ARNT2: variants seen among roughly 807,000 people sequenced by gnomAD.
ARNT2 encodes the protein aryl hydrocarbon receptor nuclear translocator 2.
In ARNT2, 36 loss-of-function variants were observed where a neutral mutation model predicts 91.7. The observed-to-expected ratio is 0.39, with a 90% CI of 0.30 to 0.52. ARNT2 has a LOEUF of 0.52. Ranked by LOEUF, ARNT2 falls within the 20% of genes least tolerant of loss-of-function variation. The pLI is 0.72. For missense variants in ARNT2, 775 were observed against 939.3 expected (o/e 0.83, Z 2.29); for synonymous variants, 365 against 347.1 (o/e 1.05, Z -0.57).
At chr15:80,539,654 A>G (rs1003729037) in intron 8 of ARNT2, among the ~76,000 whole-genome samples, 20 of 152,146 alleles carry the variant, frequency 1.3e-4, no homozygotes, top group African/African-American at 4.1e-4. Flanking sequence ...CAGAATTAAC[A>G]TTGTTGGAGA....
intron 1 of ARNT2, chr15:80,441,273 A>G (rs1339581811): frequency 3.0e-6 from 3 of 985,120 alleles, no homozygotes; most frequent in Non-Finnish European, 2.4e-6. Flanking sequence ...ATGCAGCTAC[A>G]TTTCCTCCCA....
intron 11 of ARNT2, among the ~76,000 whole-genome samples, chr15:80,560,907 A>G (rs1567001717): frequency 6.6e-6 from 1 of 152,218 alleles, no homozygotes; most frequent in Admixed American, 6.5e-5. Flanking sequence ...TTTATCACTC[A>G]GGGATTTCCC....
Position 80,492,197 on chromosome 15 carries a change from C to T in ARNT2, c.623-15959C>T, listed in dbSNP as rs551687832. 7.9e-5 allele frequency among the ~76,000 whole-genome samples: 12 copies of T among 152,226 alleles called. No homozygotes were observed. In the East Asian group the frequency reaches 1.2e-3, roughly 15 times the overall value. On this transcript the variant is annotated intron_variant, in intron 5 of 18. Transcript: ENST00000303329. ...TTGGGACTACAGCCATGCGCCACCA[C>T]GTCTGGCTAATTTTTTTATTCTTTG...
chr15:80,570,023 A>G (rs938547836), intron 12 of ARNT2, among the ~76,000 whole-genome samples: 1 of 152,250 alleles, frequency 6.6e-6, no homozygotes, highest in Non-Finnish European at 1.5e-5. Context: ...CTGTGGCTCA[A>G]GATGCCCAAG....
chr15:80,443,873 C>T lies in ARNT2; in HGVS notation c.32-7007C>T, dbSNP rs549982301. Among the ~76,000 whole-genome samples, 15 of 152,204 alleles carry T rather than the reference C, an allele frequency of 9.9e-5. No individual in the cohort carries two copies. The East Asian group carries it at 1.4e-3, about 14-fold the overall frequency. On this transcript the variant is annotated intron_variant, in intron 1 of 18. Coordinates refer to ENST00000303329, the MANE Select transcript of ARNT2 (RefSeq NM_014862.4). Reference sequence around the variant, plus strand: ...AGAAGGTTGAAGGAAGCATGGGAGGCGAGGAACCAGCAAGGGGAAGCAGCT... The same window carrying T: ...AGAAGGTTGAAGGAAGCATGGGAGGTGAGGAACCAGCAAGGGGAAGCAGCT...
rs560239409 is a variant in ARNT2 at position 80,484,456 on chromosome 15, C to T, written c.622+9233C>T. On this transcript the variant is annotated intron_variant, in intron 5 of 18. Transcript: ENST00000303329. ...TTGTATCTTCACAGTGACTTTCCCA[C>T]TAGAAACCTCAGCCTCCTTAGATCT... Among the ~76,000 whole-genome samples, 8 of 152,304 alleles carry T rather than the reference C, an allele frequency of 5.3e-5. No individual in the cohort carries two copies. The South Asian group carries it at 1.7e-3, about 32-fold the overall frequency.
intron 12 of ARNT2, among the ~76,000 whole-genome samples, chr15:80,564,317 T>C (rs1898432521): frequency 6.6e-6 from 1 of 152,142 alleles, no homozygotes. Flanking sequence ...CACAGCCTAC[T>C]GGCACTCTCA....
At chr15:80,476,602 CAG>C (rs1476932330) in intron 5 of ARNT2, among the ~76,000 whole-genome samples, 2 of 152,212 alleles carry the variant, frequency 1.3e-5, no homozygotes, top group African/African-American at 4.8e-5. Flanking sequence ...GTGCTAAACT[CAG>C]TGCTTTGCCC....
chr15:80,573,291 C>T (rs776905366), intron 12 of ARNT2, among the ~76,000 whole-genome samples: 5 of 152,070 alleles, frequency 3.3e-5, no homozygotes, highest in Non-Finnish European at 7.4e-5. Context: ...ATTATATATA[C>T]GTTATTATAG....
intron 13 of ARNT2, among the ~76,000 whole-genome samples, chr15:80,574,494 A>G (rs1389044335): frequency 6.6e-6 from 1 of 152,166 alleles, no homozygotes; most frequent in Non-Finnish European, 1.5e-5. Context: ...CCATGCGTGA[A>G]CTGTAGTATG....
intron 1 of ARNT2, among the ~76,000 whole-genome samples, chr15:80,422,210 C>T (rs993605914): frequency 9.2e-5 from 14 of 152,070 alleles, no homozygotes; most frequent in African/African-American, 3.1e-4. Context: ...GTCATTGAGC[C>T]TCAGATTCAG....
rs1011105450 is a variant in ARNT2 at position 80,591,917 on chromosome 15, C to A, written c.2055+213C>A. Among the ~76,000 whole-genome samples the A allele has an allele frequency of 2.0e-5, 3 of 152,160 alleles. No homozygotes were observed. The highest frequency in any genetic ancestry group is 2.9e-5 in the Non-Finnish European group (2 of 68,024). The stretch of plus-strand genomic sequence containing the variant: ...AAGGAGAAGGGGCTGATGTAGCCTT[C>A]GAGCTAAGCCACACAATAGAGGAGG... On this transcript the variant is annotated intron_variant, in intron 18 of 18. Coordinates refer to ENST00000303329, the MANE Select transcript of ARNT2 (RefSeq NM_014862.4). This position sits in a 1 kb window ranked among gnomAD's most constrained non-coding sequence, Gnocchi z 5.1.
At chr15:80,405,877 A>C (rs1895593308) in intron 1 of ARNT2, among the ~76,000 whole-genome samples, 1 of 152,012 alleles carries the variant, frequency 6.6e-6, no homozygotes. Context: ...CAGAAAAATA[A>C]AATAAAATAG....
rs1275526202 is a variant in ARNT2, at chr15:80,591,887, G to T, written c.2055+183G>T. 1.3e-5 allele frequency among the ~76,000 whole-genome samples: 2 copies of T among 152,190 alleles called. No individual in the cohort carries two copies. Among genetic ancestry groups the T allele is most frequent in the Admixed American group, 1.3e-4 (2 of 15,276 alleles). ...ACCCAGCCAGAAACGTCAGGTGCAT[G>T]TGGGAAGGAGAAGGGGCTGATGTAG... is the stretch of plus-strand genomic sequence containing the variant. On this transcript the variant is annotated intron_variant, in intron 18 of 18. Transcript: ENST00000303329. This position sits in a 1 kb window ranked among gnomAD's most constrained non-coding sequence, Gnocchi z 5.1.
rs147773330 is a variant in ARNT2, at chr15:80,563,122, T to C, written c.1199T>C (p.Met400Thr). ...CTGAAAGGCCAAGTCCTGTCGGTCA[T>C]GTATCGATTTCGCACCAAGAACCGG... ...VKLKGQVLSV[M>T]YRFRTKNREW... The change falls in exon 12 of 19, where the codon ATG (methionine) becomes ACG (threonine). Residue 400 changes from methionine (M) to threonine (T), a missense_variant. Physicochemically the swap from Met to Thr is moderately conservative, Grantham distance 81 (BLOSUM62 -1). Around this residue, in one of 5 missense-constraint regions of ARNT2, gnomAD observed 285 missense variants for 327.2 expected, o/e 0.87. Transcript: ENST00000303329. The C allele has an allele frequency of 1.9e-6, 3 of 1,614,084 alleles. No individual in the cohort carries two copies. The highest frequency in any genetic ancestry group is 2.5e-6 in the Non-Finnish European group (3 of 1,180,044).
intron 1 of ARNT2, among the ~76,000 whole-genome samples, chr15:80,422,491 A>G (rs375885623): frequency 1.0e-3 from 152 of 152,314 alleles, no homozygotes; most frequent in African/African-American, 3.3e-3. Flanking sequence ...AAGAATGAGG[A>G]GATAAAACAT....
rs145379118 is a variant in ARNT2 at position 80,580,504 on chromosome 15, G to T, written c.1707G>T (p.Gln569His). 4.6e-3 allele frequency: 7,484 copies of T among 1,614,162 alleles called. 23 individuals carry two copies. Among genetic ancestry groups the T allele is most frequent in the Middle Eastern group, 5.8e-3 (35 of 6,044 alleles). The part of the protein sequence containing the change: ...NMSQISRQLN[Q>H]SQVAWTGSRP... ...CCCAAATCTCCCGGCAGCTAAACCA[G>T]AGTCAGGTGGCATGGACAGGGAGTC... Residue 569 changes from glutamine to histidine, a missense_variant, in exon 16 of 19, where the codon CAG becomes CAT. Physicochemically the swap from Gln to His is conservative, Grantham distance 24 (BLOSUM62 0). Coordinates refer to ENST00000303329, the MANE Select transcript of ARNT2 (RefSeq NM_014862.4).
At chr15:80,491,587 A>G (rs927333199) in intron 5 of ARNT2, among the ~76,000 whole-genome samples, 3 of 152,120 alleles carry the variant, frequency 2.0e-5, no homozygotes, top group African/African-American at 7.2e-5. Context: ...TGCACTTGGA[A>G]TTTACTGTTA....
chr15:80,405,366 G>T (rs1322439607), intron 1 of ARNT2, among the ~76,000 whole-genome samples: 1 of 152,148 alleles, frequency 6.6e-6, no homozygotes, highest in African/African-American at 2.4e-5. Flanking sequence ...AAACTTTTGG[G>T]TGTTGTGCAG....
Sources: allele counts gnomAD v4.1 joint callset (sites outside exome capture counted in the v4.1 genomes callset), GRCh38; gene constraint gnomAD v4.1.1; regional missense constraint gnomAD v4.1.1; non-coding constraint Gnocchi (gnomAD v3.1); transcripts MANE v1.5; gene names NCBI Gene and HGNC (gene_info 2026-07-23, HGNC 2026-07-21).